Variants in IVD observed in about 807,000 individuals in gnomAD.
IVD encodes isovaleryl-CoA dehydrogenase, also known as isovaleryl-CoA dehydrogenase, mitochondrial.
A neutral mutation model predicts 51.3 loss-of-function variants in IVD; 31 were observed. The observed-to-expected ratio is 0.60, with a 90% confidence interval of 0.45 to 0.81. The LOEUF (loss-of-function observed/expected upper bound fraction) is 0.81, where lower values mean the gene tolerates loss of function less well. Ranked by LOEUF, IVD falls within the 40% of genes least tolerant of loss-of-function variation. The probability of loss-of-function intolerance (pLI) is 0.00; values close to 1 mark genes in which losing one functional copy is unlikely to be tolerated. For missense variants in IVD, 475 were observed against 552.0 expected, an observed-to-expected ratio of 0.86 and a Z score of 1.40; for synonymous variants, 205 against 219.4, an observed-to-expected ratio of 0.93 and a Z score of 0.58.
intron 7 of IVD, among the ~76,000 whole-genome samples, chr15:40,431,598 G>A (rs888135828): frequency 6.6e-6 from 1 of 152,070 alleles, no homozygotes; most frequent in African/African-American, 2.4e-5. Context: ...GGGAGGCTGA[G>A]GCAGGAGAAT....
At position 40,408,124 on chromosome 15, in the gene IVD, C is replaced by T. The variant is rs150925778; in HGVS notation, c.286+134C>T. 4.4e-5 allele frequency: 35 copies of T among 796,168 alleles called. No homozygotes were observed. The East Asian group carries it at 9.1e-4, about 21-fold the overall frequency. 49.3% of individuals were successfully genotyped at this position (796,168 alleles called of 1,614,324 possible). On this transcript the variant is annotated intron_variant, in intron 3 of 11. Coordinates refer to ENST00000487418, the MANE Select transcript of IVD (RefSeq NM_002225.5). The stretch of plus-strand genomic sequence containing the variant: ...ACTGCATCTTTTGGACCTGTGAAAG[C>T]ACCCATTGATTGTCAGCCCAGAGAA...
chr15:40,412,843 G>T lies in IVD; in HGVS notation c.688-148G>T, dbSNP rs1047501582. ...TGGGGCGTTAGCACCGGAAGGTCCC[G>T]GGGGGAGCATGGGACTAGGATGCTG... On this transcript the variant is annotated intron_variant, in intron 6 of 11. Coordinates refer to ENST00000487418, the MANE Select transcript of IVD (RefSeq NM_002225.5). The T allele has an allele frequency of 7.4e-6, 5 of 674,180 alleles. No homozygotes were observed. In the Admixed American group the frequency reaches 8.7e-5, roughly 12 times the overall value. The allele number at this position is 674,180 out of a possible 1,614,324, so 41.8% of individuals were successfully genotyped here.
downstream of IVD, chr15:40,424,279 T>A: frequency 2.1e-6 from 2 of 935,560 alleles, no homozygotes; most frequent in Non-Finnish European, 2.9e-6. Context: ...CCCCTTCTGC[T>A]GCTTCCCTCC....
At chr15:40,406,047 C>G (rs1890372553) in intron 1 of IVD, 76 bp downstream of exon 1, 1 of 1,548,426 alleles carries the variant, frequency 6.5e-7, no homozygotes, top group African/African-American at 1.4e-5. Context: ...CCTGCCTGGT[C>G]CCCATCGGCC....
intron 11 of IVD, among the ~76,000 whole-genome samples, chr15:40,417,088 C>T (rs1286242111): frequency 6.6e-6 from 1 of 151,306 alleles, no homozygotes; most frequent in Non-Finnish European, 1.5e-5. Context: ...CCTGTAATCC[C>T]AGCTATTTGG....
At chr15:40,435,617 C>A, downstream of IVD, 3 of 1,100,022 alleles carry the variant, frequency 2.7e-6, no homozygotes, top group Non-Finnish European at 3.4e-6. Flanking sequence ...TCTATGTTCT[C>A]CAACGTCTTT....
intron 11 of IVD, among the ~76,000 whole-genome samples, chr15:40,417,378 C>T (rs907149329): frequency 6.7e-6 from 1 of 150,312 alleles, no homozygotes; most frequent in Admixed American, 6.7e-5. Flanking sequence ...TGCAGTGGTG[C>T]GCGCCTGTAA....
intron 3 of IVD, 50 bp from the exon 4 acceptor site, chr15:40,410,578 G>A (rs373226441): frequency 1.7e-5 from 28 of 1,605,434 alleles, no homozygotes; most frequent in African/African-American, 1.7e-4. Context: ...TGAATGTCCC[G>A]ATTTAATCTG....
chr15:40,413,547 G>T (rs1355680704), intron 7 of IVD, among the ~76,000 whole-genome samples: 1 of 152,126 alleles, frequency 6.6e-6, no homozygotes, highest in Non-Finnish European at 1.5e-5. Context: ...TTCTGCTTGA[G>T]TATGAGTATT....
exon 9 of IVD, chr15:40,435,553 C>A (rs1412119012): frequency 8.6e-7 from 1 of 1,166,994 alleles, no homozygotes; most frequent in Non-Finnish European, 1.1e-6. Context: ...GCGTGCTGCT[C>A]CCCCAACTCG....
At chr15:40,408,083 C>G (rs757234782) in intron 3 of IVD, 93 bp downstream of exon 3, 8 of 1,227,790 alleles carry the variant, frequency 6.5e-6, no homozygotes, top group Non-Finnish European at 9.6e-6. Flanking sequence ...AAAGATTGTG[C>G]TTAAAGAAAC....
rs1893141920 is a variant in IVD, at chr15:40,434,203, TTC to T, written c.780+291_780+292del. Among the ~76,000 whole-genome samples the T allele has an allele frequency of 3.3e-5, 5 of 152,340 alleles. No homozygotes were observed. The South Asian group carries it at 1.0e-3, about 32-fold the overall frequency. On this transcript the variant is annotated intron_variant, in intron 8 of 8. Transcript: ENST00000473112. ...AAATGTGCGCCAGGGGTAGCAAATC[TTC>T]TGATTTTTTTCAAGAGAAACTGTAA... is the stretch of plus-strand genomic sequence containing the variant.
chr15:40,433,890 A>G, exon 8 of IVD: 1 of 456,712 alleles, frequency 2.2e-6, no homozygotes, highest in Non-Finnish European at 4.4e-6. Context: ...TTCAGTAAAC[A>G]TCTGCTCCTG....
chr15:40,407,569 C>T, intron 1 of IVD, 67 bp from the exon 2 acceptor site: 2 of 1,205,516 alleles, frequency 1.7e-6, no homozygotes, highest in Non-Finnish European at 2.5e-6. Flanking sequence ...GTGGCCTTTT[C>T]TCTTGAATGT....
chr15:40,428,676 C>T (rs912681163), downstream of IVD, among the ~76,000 whole-genome samples: 2 of 152,180 alleles, frequency 1.3e-5, no homozygotes, highest in East Asian at 3.9e-4. Context: ...ACCTGATCAC[C>T]CACACCTCCA....
At chr15:40,406,130 T>A in intron 1 of IVD, 159 bp downstream of exon 1, 2 of 1,538,276 alleles carry the variant, frequency 1.3e-6, no homozygotes, top group Non-Finnish European at 1.8e-6. Flanking sequence ...ACGCGGGGCC[T>A]CCGACCTCGG....
chr15:40,412,628 G>A, intron 6 of IVD: 2 of 333,486 alleles, frequency 6.0e-6, no homozygotes, highest in South Asian at 5.2e-5. Flanking sequence ...GTACAGACAG[G>A]AGAACAACAG....
chr15:40,420,515 G>A lies in IVD; in HGVS notation c.*2252G>A. On this transcript the variant is annotated 3_prime_UTR_variant, in exon 12 of 12. Transcript: ENST00000487418. ...TGGATCCAGCTTGTGTCCTTGGAGA[G>A]TGGCTGGCCCAGGTCCTATTCCTGT... 1 of 987,628 alleles carries A rather than the reference G, an allele frequency of 1.0e-6. No homozygotes were observed. Among genetic ancestry groups the A allele is most frequent in the Non-Finnish European group, 1.2e-6 (1 of 830,122 alleles). 61.2% of individuals were successfully genotyped at this position (987,628 alleles called of 1,614,324 possible).
intron 11 of IVD, among the ~76,000 whole-genome samples, chr15:40,417,916 A>G (rs928430879): frequency 3.9e-5 from 6 of 152,212 alleles, no homozygotes; most frequent in Non-Finnish European, 7.3e-5. Flanking sequence ...GGTACTATCT[A>G]CGGTTTCAGG....
Sources: gnomAD v4.1 joint callset for allele counts (sites outside exome capture counted in the v4.1 genomes callset) on GRCh38, gnomAD v4.1.1 for gene constraint, MANE v1.5 for transcripts, NCBI Gene and HGNC (gene_info 2026-07-23, HGNC 2026-07-21) for gene names.